ADAMTS7: variants seen among roughly 807,000 people sequenced by gnomAD.
The protein encoded by ADAMTS7 is ADAM metallopeptidase with thrombospondin type 1 motif 7.
A neutral mutation model predicts 172.6 loss-of-function variants in ADAMTS7; 89 were observed. The observed-to-expected ratio is 0.52, with a 90% CI of 0.43 to 0.61. ADAMTS7 has a LOEUF of 0.61. ADAMTS7 is among the 20% of genes least tolerant of loss of function. The pLI, the probability that ADAMTS7 is intolerant of heterozygous loss-of-function variation, is 0.00. For synonymous variants in ADAMTS7, 885 were observed against 978.4 expected (o/e 0.90, Z 1.78); for missense variants, 1,973 against 2,355.6 (o/e 0.84, Z 3.36).
Position 78,774,296 on chromosome 15 carries a change from G to A in ADAMTS7, c.1881C>T (p.Asn627=), listed in dbSNP as rs749478848. The change falls in exon 13 of 24, where the codon AAC becomes AAT. Residue 627 remains asparagine, a synonymous_variant. Transcript: ENST00000388820. Reference sequence around the variant, plus strand: ...CGGGCCGGCAGTGCAGCTCGCAGGGGTTCACTGAGGGCCCAAGTAGAAGAG... The same window carrying A: ...CGGGCCGGCAGTGCAGCTCGCAGGGATTCACTGAGGGCCCAAGTAGAAGAG... The part of the protein sequence containing the change: ...HTWVPVVNDV[N]PCELHCRPAN... The A allele has an allele frequency of 1.5e-5, 24 of 1,569,692 alleles. No homozygotes were observed. The highest frequency in any genetic ancestry group is 1.9e-5 in the Non-Finnish European group (22 of 1,167,072).
At position 78,798,033 on chromosome 15, in the gene ADAMTS7, C is replaced by A; in HGVS notation, c.537G>T (p.Gln179His). The change falls in exon 3 of 24, where the codon CAG (glutamine) becomes CAT (histidine). Residue 179 changes from glutamine to histidine, a missense_variant. Gln to His is a conservative substitution (Grantham distance 24). Transcript: ENST00000388820. ...CCTGACGCTTGTACACCACATGGGG[C>A]TGGGCGTGGCCAGGCCGGGCCGGGG... The part of the protein sequence containing the change: ...DSAPARPGHA[Q>H]PHVVYKRQAP... The A allele has an allele frequency of 6.4e-7, 1 of 1,571,632 alleles. No individual in the cohort carries two copies. Among genetic ancestry groups the A allele is most frequent in the Non-Finnish European group, 8.6e-7 (1 of 1,165,486 alleles).
intron 22 of ADAMTS7, 35 bp downstream of exon 22, chr15:78,763,664 A>C: frequency 6.6e-7 from 1 of 1,507,188 alleles, no homozygotes; most frequent in Admixed American, 2.1e-5. Context: ...GCCACCAAGC[A>C]CTTGCTCCCT....
Position 78,776,744 on chromosome 15 carries a change from C to A in ADAMTS7, c.1560+5G>T. On this transcript the variant is annotated splice_donor_5th_base_variant and intron_variant, in intron 10 of 23. Coordinates refer to ENST00000388820, the MANE Select transcript of ADAMTS7 (RefSeq NM_014272.5). Reference sequence around the variant, plus strand: ...CCCACTGCCGGGACTGGGGACATCCCCTACCTTATTCTCCCCACACCGGGT... The same window carrying A: ...CCCACTGCCGGGACTGGGGACATCCACTACCTTATTCTCCCCACACCGGGT... 6.5e-7 allele frequency: 1 copy of A among 1,549,520 alleles called. No homozygotes were observed.
chr15:78,797,148 C>T (rs2055656234), intron 3 of ADAMTS7, among the ~76,000 whole-genome samples: 1 of 152,198 alleles, frequency 6.6e-6, no homozygotes, highest in Non-Finnish European at 1.5e-5. Flanking sequence ...CGTGTCACTT[C>T]CTCCCACCCT....
intron 22 of ADAMTS7, 134 bp from the exon 23 acceptor site, chr15:78,762,699 T>G: frequency 1.5e-6 from 1 of 656,098 alleles, no homozygotes; most frequent in Non-Finnish European, 2.3e-6. Flanking sequence ...GCCCCCTCAG[T>G]GCCTCCTGGA....
chr15:78,803,455 C>CTT lies in ADAMTS7; in HGVS notation c.101-2910_101-2909dup, dbSNP rs11447592. On this transcript the variant is annotated intron_variant, in intron 1 of 23. Transcript: ENST00000388820. ...TTGTGGCAAATTTAACAACTATGGT[C>CTT]TTTTTTTTTTTTTTTGAGACAGAGT... is the stretch of plus-strand genomic sequence containing the variant. Among the ~76,000 whole-genome samples, 325 of 143,904 alleles carry CTT rather than the reference C, an allele frequency of 2.3e-3. 4 individuals are homozygous for CTT. Among genetic ancestry groups the CTT allele is most frequent in the Admixed American group, 4.7e-3 (68 of 14,472 alleles). 94.4% of individuals were successfully genotyped at this position (143,904 alleles called of 152,430 possible).
At chr15:78,770,832 A>C (rs2055235841) in intron 16 of ADAMTS7, 1 of 267,470 alleles carries the variant, frequency 3.7e-6, no homozygotes, top group African/African-American at 2.2e-5. Flanking sequence ...ACTTTTTATA[A>C]ATAGTTTAGG....
Position 78,773,157 on chromosome 15 carries a change from C to T in ADAMTS7, c.2057G>A (p.Arg686His), listed in dbSNP as rs760894429. 2.2e-5 allele frequency: 33 copies of T among 1,501,766 alleles called. No individual in the cohort carries two copies. Among genetic ancestry groups the T allele is most frequent in the African/African-American group, 1.4e-4 (10 of 72,606 alleles). 93.0% of individuals were successfully genotyped at this position (1,501,766 alleles called of 1,614,324 possible). The part of the protein sequence containing the change: ...FEIDSGAMED[R>H]CGVCHGNGST... ...GCCGTTGCCGTGGCACACACCACAG[C>T]GGTCCTCCATAGCACCGGAGTCAAT... Residue 686 changes from arginine to histidine, a missense_variant, in exon 14 of 24, where the codon CGC becomes CAC. This residue lies in a region of ADAMTS7 where 13 missense variants were observed against 43.9 expected (regional missense o/e 0.30). Coordinates refer to ENST00000388820, the MANE Select transcript of ADAMTS7 (RefSeq NM_014272.5).
At chr15:78,760,683 T>A (rs1226922171) in intron 23 of ADAMTS7, among the ~76,000 whole-genome samples, 3 of 152,172 alleles carry the variant, frequency 2.0e-5, no homozygotes, top group Non-Finnish European at 2.9e-5. Context: ...GCTTTCCACA[T>A]GTCCCGCCAA....
In ADAMTS7 at chr15:78,798,131, G is replaced by T; in HGVS notation, c.457-18C>A. 1 of 1,536,640 alleles carries T rather than the reference G, an allele frequency of 6.5e-7. No individual in the cohort carries two copies. Among genetic ancestry groups the T allele is most frequent in the Non-Finnish European group, 8.7e-7 (1 of 1,150,118 alleles). On this transcript the variant is annotated intron_variant, in intron 2 of 23. Transcript: ENST00000388820. ...ACACCTTTCTGGGGAAGAAGCACCAGGGTCACACAGGGAGGGCTGGCCCTC... is the reference window on the plus strand; with the variant it reads ...ACACCTTTCTGGGGAAGAAGCACCATGGTCACACAGGGAGGGCTGGCCCTC...
At chr15:78,767,251 C>CT (rs1276336715) in intron 18 of ADAMTS7, 128 bp downstream of exon 18, 1 of 1,288,108 alleles carries the variant, frequency 7.8e-7, no homozygotes, top group Non-Finnish European at 1.1e-6. Flanking sequence ...GCTTTAGAGT[C>CT]AGGGGCTGGA....
rs1430834936 is a variant in ADAMTS7 at position 78,766,239 on chromosome 15, G to A, written c.3672C>T (p.Pro1224=). ...GCAGGTGGGGTGCTCCTCGGCCCTT[G>A]GGTTCCTCATCATCCTTGAAAACCT... ...TNEVFKDDEE[P]KGRGAPHLPP... Residue 1224 remains proline (P), a synonymous_variant, in exon 19 of 24, where the codon CCC becomes CCT. Transcript: ENST00000388820. 23 of 1,611,774 alleles carry A rather than the reference G, an allele frequency of 1.4e-5. No individual in the cohort carries two copies. The highest frequency in any genetic ancestry group is 3.3e-5 in the South Asian group (3 of 91,020).
In ADAMTS7 at chr15:78,771,740, T is replaced by G; in HGVS notation, c.2221A>C (p.Ser741Arg). ...AEAANFLALRSEDPEKYFLNG... is the reference protein window; with the variant it reads ...AEAANFLALRREDPEKYFLNG... The stretch of plus-strand genomic sequence containing the variant: ...AGGAAGTACTTCTCCGGGTCCTCGC[T>G]CCGCAGTGCCAGGAAGTTGGCAGCC... Residue 741 changes from serine to arginine, a missense_variant, in exon 15 of 24, where the codon AGC becomes CGC. This residue lies in a region of ADAMTS7 where 771 missense variants were observed against 952.6 expected (regional missense o/e 0.81). Coordinates refer to ENST00000388820, the MANE Select transcript of ADAMTS7 (RefSeq NM_014272.5). This position sits in a 1 kb window ranked among gnomAD's most constrained non-coding sequence, Gnocchi z 4.9. 6.2e-7 allele frequency: 1 copy of G among 1,611,460 alleles called. No individual in the cohort carries two copies. Among genetic ancestry groups the G allele is most frequent in the Non-Finnish European group, 8.5e-7 (1 of 1,179,996 alleles).
chr15:78,788,498 G>A (rs2055537325), intron 7 of ADAMTS7, 124 bp from the exon 8 acceptor site: 1 of 1,127,078 alleles, frequency 8.9e-7, no homozygotes, highest in Admixed American at 2.4e-5. Flanking sequence ...CCCAATGGCT[G>A]CACCCAATGG....
intron 4 of ADAMTS7, among the ~76,000 whole-genome samples, chr15:78,794,465 A>G (rs1231141725): frequency 1.3e-5 from 2 of 152,186 alleles, no homozygotes; most frequent in Non-Finnish European, 2.9e-5. Context: ...TCAGGCTCAT[A>G]GGTGCCCCCA....
At chr15:78,805,209 A>T (rs895563716) in intron 1 of ADAMTS7, among the ~76,000 whole-genome samples, 1 of 152,226 alleles carries the variant, frequency 6.6e-6, no homozygotes, top group Non-Finnish European at 1.5e-5. Context: ...TGACATCCTA[A>T]TAAGGGCATA....
chr15:78,783,914 A>G (rs2055466521), intron 8 of ADAMTS7, among the ~76,000 whole-genome samples: 1 of 149,218 alleles, frequency 6.7e-6, no homozygotes, highest in African/African-American at 2.5e-5. Flanking sequence ...TAAAAAAAAA[A>G]TCCAAAATCT....
chr15:78,786,457 G>C (rs2055504003), intron 8 of ADAMTS7, among the ~76,000 whole-genome samples: 1 of 152,194 alleles, frequency 6.6e-6, no homozygotes, highest in Non-Finnish European at 1.5e-5. Flanking sequence ...AGCACTGACA[G>C]GCCCAGAGGC....
chr15:78,766,126 G>A lies in ADAMTS7; in HGVS notation c.3785C>T (p.Thr1262Ile). 6.2e-7 allele frequency: 1 copy of A among 1,611,284 alleles called. No homozygotes were observed. Among genetic ancestry groups the A allele is most frequent in the South Asian group, 1.1e-5 (1 of 90,986 alleles). Residue 1262 changes from threonine (T) to isoleucine (I), a missense_variant, in exon 19 of 24, where the codon ACA (threonine) becomes ATA (isoleucine). By Grantham distance (89) the Thr-to-Ile change is moderately conservative (BLOSUM62 -1). Around this residue, in one of 8 missense-constraint regions of ADAMTS7, gnomAD observed 771 missense variants for 952.6 expected, o/e 0.81. Coordinates refer to ENST00000388820, the MANE Select transcript of ADAMTS7 (RefSeq NM_014272.5). ...TGGCTCCCAGGCCACTGTGCCTCCT[G>A]TCCACAGCTCCGCCACGTCAGGACT... ...SPSPDVAELW[T>I]GGTVAWEPAL...
Sources: gnomAD v4.1 joint callset for allele counts (sites outside exome capture counted in the v4.1 genomes callset) on GRCh38, gnomAD v4.1.1 for gene constraint, gnomAD v4.1.1 regional missense constraint, Gnocchi (gnomAD v3.1) non-coding constraint, MANE v1.5 for transcripts, NCBI Gene and HGNC (gene_info 2026-07-23, HGNC 2026-07-21) for gene names.